Variants in SMARCA2 observed in about 807,000 individuals in gnomAD.
The protein encoded by SMARCA2 is SWI/SNF-related matrix-associated actin-dependent regulator of chromatin subfamily A member 2.
Under a neutral mutation model 199.8 loss-of-function variants are expected in SMARCA2, and 61 were observed. The ratio of observed to expected loss-of-function variants is 0.31; its 90% CI spans 0.25 to 0.38. The LOEUF is 0.38. Among genes scored for constraint, SMARCA2 ranks in the 10% least tolerant of loss-of-function variants. SMARCA2 has a pLI of 1.00. For missense variants in SMARCA2, 1,344 were observed against 2,012.2 expected (o/e 0.67, Z 6.35); for synonymous variants, 935 against 732.0 (o/e 1.28, Z -4.48).
intron 27 of SMARCA2, among the ~76,000 whole-genome samples, chr9:2,138,966 G>C (rs1289290764): frequency 6.6e-6 from 1 of 152,134 alleles, no homozygotes; most frequent in Middle Eastern, 3.2e-3. Flanking sequence ...TGACAACTAA[G>C]GGTTCCCTAG....
chr9:2,159,456 T>A (rs553536524), intron 27 of SMARCA2: 4 of 210,960 alleles, frequency 1.9e-5, no homozygotes, highest in Admixed American at 1.0e-4. Context: ...TGCTATTTTT[T>A]AAAAAATAAG....
intron 15 of SMARCA2, among the ~76,000 whole-genome samples, chr9:2,082,403 A>G (rs1821607732): frequency 6.6e-6 from 1 of 151,788 alleles, no homozygotes; most frequent in Non-Finnish European, 1.5e-5. Context: ...ATATTCTTAA[A>G]TCTTCCTTTT....
intron 31 of SMARCA2, among the ~76,000 whole-genome samples, chr9:2,184,353 C>G (rs868637150): frequency 1.5e-5 from 2 of 129,440 alleles, no homozygotes; most frequent in Non-Finnish European, 3.2e-5. Flanking sequence ...AGGATAATAT[C>G]TTTTTTTTTT....
intron 28 of SMARCA2, among the ~76,000 whole-genome samples, chr9:2,164,485 C>T (rs901798156): frequency 6.6e-6 from 1 of 152,288 alleles, no homozygotes; most frequent in Non-Finnish European, 1.5e-5. Flanking sequence ...ACTGCGCCTG[C>T]CTCTAGAGTC....
In SMARCA2 at chr9:2,069,676, G is replaced by A. The variant is rs143021345; in HGVS notation, c.1693-742G>A. 1.7e-3 allele frequency among the ~76,000 whole-genome samples: 254 copies of A among 152,246 alleles called. 1 individual carries two copies. The highest frequency in any genetic ancestry group is 0.013 in the Admixed American group (192 of 15,292). ...TATATGTTATGAAAGAAATTTAGGT[G>A]GAATTAAAAACATCCAGGGAACTCA... On this transcript the variant is annotated intron_variant, in intron 9 of 33. Transcript: ENST00000349721.
chr9:2,149,191 G>A (rs1272490883), intron 27 of SMARCA2, among the ~76,000 whole-genome samples: 1 of 151,138 alleles, frequency 6.6e-6, no homozygotes, highest in Non-Finnish European at 1.5e-5. Context: ...TTCTTACATG[G>A]TGGCGGCAAG....
At chr9:2,074,430 T>C (rs77375459) in intron 12 of SMARCA2, among the ~76,000 whole-genome samples, 530 of 152,324 alleles carry the variant, frequency 3.5e-3, no homozygotes, top group South Asian at 0.012. Context: ...TTACCCATAA[T>C]AGCTTACCAG....
Position 2,169,766 on chromosome 9 carries a change from C to CA in SMARCA2, c.4200-648dup, listed in dbSNP as rs1043809920. Among the ~76,000 whole-genome samples, 9 of 152,132 alleles carry CA rather than the reference C, an allele frequency of 5.9e-5. No individual in the cohort carries two copies. Among genetic ancestry groups the CA allele is most frequent in the Non-Finnish European group, 7.4e-5 (5 of 68,012 alleles). On this transcript the variant is annotated intron_variant, in intron 28 of 33. Coordinates refer to ENST00000349721, the MANE Select transcript of SMARCA2 (RefSeq NM_003070.5). This position sits in a 1 kb window ranked among gnomAD's most constrained non-coding sequence, Gnocchi z 6.5. ...AAAAGGGACACCAACCTAGCAGTTT[C>CA]AAAAATCCTCAACTGAAGAGGCTTT... is the stretch of plus-strand genomic sequence containing the variant.
At chr9:2,021,272 A>G (rs1818589104) in intron 1 of SMARCA2, among the ~76,000 whole-genome samples, 1 of 152,214 alleles carries the variant, frequency 6.6e-6, no homozygotes, top group Admixed American at 6.5e-5. Context: ...TTTGAAAACC[A>G]TTAAATATAA....
At chr9:2,142,232 A>G (rs918190271) in intron 27 of SMARCA2, among the ~76,000 whole-genome samples, 2 of 152,248 alleles carry the variant, frequency 1.3e-5, no homozygotes, top group Non-Finnish European at 2.9e-5. Flanking sequence ...TCAAAAGACA[A>G]AATGACATCA....
chr9:2,087,667 C>CA (rs1184153348), intron 18 of SMARCA2, among the ~76,000 whole-genome samples: 3 of 151,886 alleles, frequency 2.0e-5, no homozygotes, highest in Non-Finnish European at 4.4e-5. Flanking sequence ...CTTAAGAGCT[C>CA]ATTTATGAAA....
chr9:2,051,148 A>C (rs1213688717), intron 5 of SMARCA2, among the ~76,000 whole-genome samples: 1 of 152,212 alleles, frequency 6.6e-6, no homozygotes, highest in Admixed American at 6.5e-5. Context: ...AACAACATCA[A>C]CAAAGATATA....
At chr9:2,023,712 C>A (rs1818702224) in intron 1 of SMARCA2, among the ~76,000 whole-genome samples, 1 of 152,184 alleles carries the variant, frequency 6.6e-6, no homozygotes, top group African/African-American at 2.4e-5. Context: ...TTGCTGTTCT[C>A]CTTACCCACC....
At chr9:2,100,577 C>G (rs1822466398) in intron 21 of SMARCA2, among the ~76,000 whole-genome samples, 2 of 152,026 alleles carry the variant, frequency 1.3e-5, no homozygotes, top group Non-Finnish European at 1.5e-5. Context: ...GTGGCACATG[C>G]TGTAGTCCCA....
intron 27 of SMARCA2, among the ~76,000 whole-genome samples, chr9:2,156,903 T>G (rs753318991): frequency 1.3e-5 from 2 of 152,200 alleles, no homozygotes; most frequent in Non-Finnish European, 2.9e-5. Flanking sequence ...TAACCACTGT[T>G]CTCTTTTCTC....
At chr9:2,168,812 C>T (rs79495845) in intron 28 of SMARCA2, among the ~76,000 whole-genome samples, 2,264 of 152,184 alleles carry the variant, frequency 0.015, 58 homozygotes, top group African/African-American at 0.05. Context: ...GACTCCTTAT[C>T]AGAATGATTT....
intron 27 of SMARCA2, among the ~76,000 whole-genome samples, chr9:2,152,721 G>A (rs1211482755): frequency 6.6e-6 from 1 of 150,906 alleles, no homozygotes; most frequent in Admixed American, 6.6e-5. Flanking sequence ...GCGTGGTGGT[G>A]CACACCTTTA....
chr9:2,145,902 G>A (rs550062002), intron 27 of SMARCA2, among the ~76,000 whole-genome samples: 9 of 152,346 alleles, frequency 5.9e-5, no homozygotes, highest in Admixed American at 4.6e-4. Flanking sequence ...GAACATGTAT[G>A]CAATGTGCAT....
intron 3 of SMARCA2, among the ~76,000 whole-genome samples, chr9:2,037,698 A>G (rs1249551652): frequency 6.6e-6 from 1 of 152,152 alleles, no homozygotes; most frequent in Non-Finnish European, 1.5e-5. Context: ...GGAATTTAAT[A>G]AACACTTATG....
Sources: gnomAD v4.1 joint callset for allele counts (sites outside exome capture counted in the v4.1 genomes callset) on GRCh38, gnomAD v4.1.1 for gene constraint, Gnocchi (gnomAD v3.1) non-coding constraint, MANE v1.5 for transcripts, NCBI Gene and HGNC (gene_info 2026-07-23, HGNC 2026-07-21) for gene names.